SLC9B1: variants seen among roughly 807,000 people sequenced by gnomAD.
SLC9B1 encodes solute carrier family 9 member B1.
In SLC9B1, 32 loss-of-function variants were observed where a neutral mutation model predicts 51.7. The observed-to-expected ratio is 0.62, with a 90% confidence interval of 0.47 to 0.83. SLC9B1 has a LOEUF of 0.83. Among genes scored for constraint, SLC9B1 ranks in the 40% least tolerant of loss-of-function variants. The pLI, the probability that SLC9B1 is intolerant of heterozygous loss-of-function variation, is 0.00. For synonymous variants in SLC9B1, 145 were observed against 212.7 expected, an observed-to-expected ratio of 0.68 and a Z score of 2.77; for missense variants, 406 against 613.2, an observed-to-expected ratio of 0.66 and a Z score of 3.57.
chr4:102,927,429 C>G (rs1479754521), intron 7 of SLC9B1, among the ~76,000 whole-genome samples: 1 of 152,196 alleles, frequency 6.6e-6, no homozygotes, highest in Non-Finnish European at 1.5e-5. Flanking sequence ...TGAATAGACA[C>G]TTCTCCAAAG....
intron 3 of SLC9B1, among the ~76,000 whole-genome samples, chr4:102,973,135 A>C (rs1030045844): frequency 6.6e-6 from 1 of 152,164 alleles, no homozygotes; most frequent in Non-Finnish European, 1.5e-5. Context: ...ATAAACTTAA[A>C]TGGTCTAAAT....
chr4:102,901,368 A>G, intron 11 of SLC9B1, 36 bp from the exon 12 acceptor site: 1 of 1,608,536 alleles, frequency 6.2e-7, no homozygotes, highest in Non-Finnish European at 8.5e-7. Flanking sequence ...ATAAAGAAAA[A>G]TATTAAACTG....
chr4:102,980,711 T>A (rs112030353), intron 3 of SLC9B1, among the ~76,000 whole-genome samples: 279 of 152,044 alleles, frequency 1.8e-3, no homozygotes, highest in African/African-American at 6.5e-3. Context: ...AACCTGCACA[T>A]CCTGCATATG....
intron 1 of SLC9B1, among the ~76,000 whole-genome samples, chr4:102,998,340 C>A (rs1283574665): frequency 6.6e-6 from 1 of 152,132 alleles, no homozygotes; most frequent in Non-Finnish European, 1.5e-5. Context: ...ATTCAAAATT[C>A]TGTACATGTT....
chr4:102,982,056 C>T (rs866310069), intron 3 of SLC9B1, among the ~76,000 whole-genome samples: 8 of 151,040 alleles, frequency 5.3e-5, no homozygotes, highest in Admixed American at 2.6e-4. Flanking sequence ...TGATATGTTT[C>T]GAGGTAATTT....
chr4:102,902,320 A>G (rs1734826730), intron 11 of SLC9B1, among the ~76,000 whole-genome samples: 1 of 152,218 alleles, frequency 6.6e-6, no homozygotes, highest in Admixed American at 6.5e-5. Context: ...ACATTATGGC[A>G]AAAGAACCCC....
chr4:102,962,619 C>A (rs898060889), intron 3 of SLC9B1: 1 of 473,504 alleles, frequency 2.1e-6, no homozygotes, highest in Non-Finnish European at 4.4e-6. Flanking sequence ...CATGTTCTCC[C>A]AGTTGTAGAA....
At chr4:102,915,139 C>T (rs1735518655) in intron 7 of SLC9B1, among the ~76,000 whole-genome samples, 1 of 151,378 alleles carries the variant, frequency 6.6e-6, no homozygotes, top group Non-Finnish European at 1.5e-5. Flanking sequence ...ACTGTATAGC[C>T]AGTAAAACTG....
At chr4:102,886,571 T>C (rs1733930248) in intron 11 of SLC9B1, among the ~76,000 whole-genome samples, 1 of 152,188 alleles carries the variant, frequency 6.6e-6, no homozygotes, top group Non-Finnish European at 1.5e-5. Flanking sequence ...TATGTGTATC[T>C]GGATGGGTTA....
At chr4:103,000,103 C>A (rs371519728) in intron 1 of SLC9B1, among the ~76,000 whole-genome samples, 1 of 152,172 alleles carries the variant, frequency 6.6e-6, no homozygotes, top group Non-Finnish European at 1.5e-5. Flanking sequence ...CCCCTTGATC[C>A]AGTCACCTTC....
chr4:102,997,607 T>A (rs1740295660), intron 1 of SLC9B1, among the ~76,000 whole-genome samples: 1 of 152,148 alleles, frequency 6.6e-6, no homozygotes, highest in South Asian at 2.1e-4. Flanking sequence ...TCAGCAAATA[T>A]AAGTTTTATT....
intron 1 of SLC9B1, among the ~76,000 whole-genome samples, 198 bp downstream of exon 1, chr4:103,019,401 G>A (rs72941795): frequency 1.8e-3 from 279 of 152,352 alleles, no homozygotes; most frequent in African/African-American, 6.5e-3. Flanking sequence ...GGATGACGGA[G>A]TAAGGAAAGG....
rs1163817167 is a variant in SLC9B1 at position 102,910,525 on chromosome 4, T to C, written c.1000A>G (p.Ser334Gly). Residue 334 changes from serine to glycine, a missense_variant, in exon 9 of 12, where the codon AGC becomes GGC. Ser to Gly is a moderately conservative substitution (Grantham distance 56, BLOSUM62 0). This residue lies in a region of SLC9B1 where 250 missense variants were observed against 394.1 expected (regional missense o/e 0.63). Transcript: ENST00000296422. ...GATCCATGTAAACCAATACGTTGGC[T>C]GCCTAAGACGGCAGAAACACACATA... ...LTMCVSAVLG[S>G]QRIGLHGSGG... 6.4e-7 allele frequency: 1 copy of C among 1,554,332 alleles called. No homozygotes were observed. Among genetic ancestry groups the C allele is most frequent in the East Asian group, 2.5e-5 (1 of 40,428 alleles).
intron 3 of SLC9B1, among the ~76,000 whole-genome samples, chr4:102,980,139 T>C (rs1739280372): frequency 6.6e-6 from 1 of 152,202 alleles, no homozygotes; most frequent in African/African-American, 2.4e-5. Context: ...ACTTTTACAC[T>C]GTTGGTGGGA....
intron 6 of SLC9B1, among the ~76,000 whole-genome samples, chr4:102,934,053 G>A (rs545077701): frequency 2.0e-5 from 3 of 152,208 alleles, no homozygotes; most frequent in African/African-American, 7.2e-5. Flanking sequence ...TTATAGGTGT[G>A]AGCCACCATG....
intron 1 of SLC9B1, among the ~76,000 whole-genome samples, chr4:103,009,530 T>C (rs1487548950): frequency 2.0e-5 from 3 of 152,228 alleles, no homozygotes; most frequent in Non-Finnish European, 2.9e-5. Context: ...ATAATGTATA[T>C]GGAATTCAGT....
chr4:102,967,141 T>C (rs1738472125), intron 3 of SLC9B1, among the ~76,000 whole-genome samples: 1 of 152,248 alleles, frequency 6.6e-6, no homozygotes, highest in African/African-American at 2.4e-5. Context: ...TTATCAGCAT[T>C]GTGGTAATGA....
chr4:102,997,765 T>A (rs1439197310), intron 1 of SLC9B1, among the ~76,000 whole-genome samples: 1 of 152,176 alleles, frequency 6.6e-6, no homozygotes, highest in Non-Finnish European at 1.5e-5. Context: ...GGCGATAAAT[T>A]CCTTATTTCT....
intron 7 of SLC9B1, among the ~76,000 whole-genome samples, chr4:102,919,699 G>C (rs1226023466): frequency 6.6e-6 from 1 of 152,174 alleles, no homozygotes; most frequent in African/African-American, 2.4e-5. Context: ...GGGCACTCCT[G>C]CCCAAATACT....
Sources: allele counts gnomAD v4.1 joint callset (sites outside exome capture counted in the v4.1 genomes callset), GRCh38; gene constraint gnomAD v4.1.1; regional missense constraint gnomAD v4.1.1; transcripts MANE v1.5; gene names NCBI Gene and HGNC (gene_info 2026-07-23, HGNC 2026-07-21).